The following RXFP2 variants were observed in gnomAD, a reference collection of about 807,000 sequenced individuals.
RXFP2 encodes relaxin family peptide receptor 2, also known as relaxin receptor 2.
Under a neutral mutation model 88.6 loss-of-function variants are expected in RXFP2, and 68 were observed. The observed-to-expected ratio is 0.77, with a 90% confidence interval of 0.63 to 0.94. The LOEUF (loss-of-function observed/expected upper bound fraction) is 0.94. RXFP2 is among the 40% of genes least tolerant of loss of function. The pLI is 0.00. For missense variants in RXFP2, 791 were observed against 893.9 expected, an observed-to-expected ratio of 0.88 and a Z score of 1.47; for synonymous variants, 329 against 306.8, an observed-to-expected ratio of 1.07 and a Z score of -0.76.
intron 1 of RXFP2, among the ~76,000 whole-genome samples, chr13:31,753,504 T>G (rs1361749396): frequency 6.6e-6 from 1 of 152,158 alleles, no homozygotes; most frequent in Non-Finnish European, 1.5e-5. Flanking sequence ...TCAGCACTGC[T>G]ACCATGCGGG....
chr13:31,786,661 TTG>T, intron 13 of RXFP2, 24 bp downstream of exon 13: 1 of 1,370,816 alleles, frequency 7.3e-7, no homozygotes. Flanking sequence ...TACAATTATA[TTG>T]ATTATAATTT....
intron 13 of RXFP2, among the ~76,000 whole-genome samples, chr13:31,787,798 C>A (rs1873615454): frequency 6.6e-6 from 1 of 152,200 alleles, no homozygotes; most frequent in African/African-American, 2.4e-5. Context: ...CGCCGCCATG[C>A]CAGGCTACTT....
chr13:31,798,663 G>C (rs901715095), intron 17 of RXFP2, among the ~76,000 whole-genome samples: 2 of 152,176 alleles, frequency 1.3e-5, no homozygotes, highest in Non-Finnish European at 2.9e-5. Context: ...CAAAGTCCAA[G>C]TGCTGGGATG....
chr13:31,778,361 T>G, intron 8 of RXFP2, 151 bp from the exon 9 acceptor site: 1 of 617,246 alleles, frequency 1.6e-6, no homozygotes, highest in South Asian at 2.0e-5. Flanking sequence ...GCCATACACA[T>G]GTTTTAAAGA....
At chr13:31,779,629 T>A (rs552174856) in intron 9 of RXFP2, among the ~76,000 whole-genome samples, 4 of 152,168 alleles carry the variant, frequency 2.6e-5, no homozygotes, top group Non-Finnish European at 5.9e-5. Context: ...ACCTTCACGG[T>A]CTTCTGCAAC....
chr13:31,744,600 T>C (rs2138381010), intron 1 of RXFP2, among the ~76,000 whole-genome samples: 1 of 152,338 alleles, frequency 6.6e-6, no homozygotes, highest in African/African-American at 2.4e-5. Flanking sequence ...GGCTATTTTA[T>C]TTGCCCAAGG....
chr13:31,777,451 AG>A lies in RXFP2; in HGVS notation c.713+5del. On this transcript the variant is annotated splice_donor_5th_base_variant and intron_variant, in intron 8 of 17. Coordinates refer to ENST00000298386, the MANE Select transcript of RXFP2 (RefSeq NM_130806.5). The stretch of plus-strand genomic sequence containing the variant: ...GATTAAATTCCTTGTTTTTCCTGTA[AG>A]TATTCATCAACCTTTCAATACATCT... The A allele has an allele frequency of 6.3e-7, 1 of 1,593,758 alleles. No individual in the cohort carries two copies. Among genetic ancestry groups the A allele is most frequent in the Non-Finnish European group, 8.6e-7 (1 of 1,162,698 alleles).
chr13:31,760,383 G>C (rs568174676), intron 2 of RXFP2, among the ~76,000 whole-genome samples: 1 of 152,112 alleles, frequency 6.6e-6, no homozygotes, highest in African/African-American at 2.4e-5. Flanking sequence ...GAGCCACTGC[G>C]CTTGGCCCTT....
intron 3 of RXFP2, among the ~76,000 whole-genome samples, chr13:31,762,462 GA>G (rs1412225049): frequency 1.3e-5 from 2 of 152,252 alleles, no homozygotes; most frequent in African/African-American, 4.8e-5. Flanking sequence ...GCATGAGGTG[GA>G]GGGGCAGGAG....
intron 5 of RXFP2, among the ~76,000 whole-genome samples, chr13:31,771,064 G>A (rs533550831): frequency 1.3e-5 from 2 of 152,316 alleles, no homozygotes; most frequent in African/African-American, 4.8e-5. Flanking sequence ...ATGATGGAGC[G>A]TATGCCGGAG....
intron 1 of RXFP2, among the ~76,000 whole-genome samples, chr13:31,745,025 C>A (rs936911761): frequency 3.3e-5 from 5 of 151,966 alleles, no homozygotes; most frequent in African/African-American, 1.2e-4. Flanking sequence ...AAAAAATTAG[C>A]CAGACGTGGT....
intron 7 of RXFP2, 103 bp from the exon 8 acceptor site, chr13:31,777,273 A>T: frequency 3.9e-6 from 3 of 772,394 alleles, no homozygotes; most frequent in Non-Finnish European, 6.8e-6. Context: ...AGGTGAGCCA[A>T]GTATGGAAGC....
chr13:31,796,690 T>G (rs1874066032), intron 16 of RXFP2, among the ~76,000 whole-genome samples: 1 of 152,250 alleles, frequency 6.6e-6, no homozygotes, highest in Admixed American at 6.5e-5. Context: ...TTGTTTTTAT[T>G]CCCTTGAACC....
At chr13:31,747,417 A>G (rs1871473617) in intron 1 of RXFP2, among the ~76,000 whole-genome samples, 1 of 152,216 alleles carries the variant, frequency 6.6e-6, no homozygotes, top group Non-Finnish European at 1.5e-5. Context: ...GAAAATGAGC[A>G]TAATGCTTCT....
At chr13:31,758,967 G>C (rs2138404669) in intron 2 of RXFP2, among the ~76,000 whole-genome samples, 1 of 151,834 alleles carries the variant, frequency 6.6e-6, no homozygotes, top group South Asian at 2.1e-4. Context: ...AGAATTGCCT[G>C]AACCCGGGAG....
intron 3 of RXFP2, among the ~76,000 whole-genome samples, chr13:31,763,155 C>T (rs772817066): frequency 6.0e-5 from 9 of 149,338 alleles, no homozygotes; most frequent in Non-Finnish European, 1.3e-4. Flanking sequence ...ACAATCACAG[C>T]TCACTGCAGC....
chr13:31,802,128 C>T lies in RXFP2; in HGVS notation c.2006-18C>T. The T allele has an allele frequency of 1.2e-6, 2 of 1,612,968 alleles. No homozygotes were observed. Among genetic ancestry groups the T allele is most frequent in the South Asian group, 2.2e-5 (2 of 90,830 alleles). The stretch of plus-strand genomic sequence containing the variant: ...TTAAAACTTCAACTTTTTTTTCACA[C>T]TTTGCTTCCTTTTCCAGACACAATG... On this transcript the variant is annotated intron_variant, in intron 17 of 17. Coordinates refer to ENST00000298386, the MANE Select transcript of RXFP2 (RefSeq NM_130806.5).
chr13:31,777,404 A>C lies in RXFP2; in HGVS notation c.670A>C (p.Ile224Leu). 1 of 1,612,182 alleles carries C rather than the reference A, an allele frequency of 6.2e-7. No individual in the cohort carries two copies. The highest frequency in any genetic ancestry group is 1.7e-5 in the Admixed American group (1 of 59,918). The change falls in exon 8 of 18, where the codon ATT (isoleucine) becomes CTT (leucine). Residue 224 changes from isoleucine to leucine, a missense_variant. By Grantham distance (5) the Ile-to-Leu change is conservative. Transcript: ENST00000298386. ...TCTAGATGACAATCCAATAACCAGA[A>C]TTTCACAGCGCTTGTTTACGGGATT... ...LILDDNPITR[I>L]SQRLFTGLNS...
intron 3 of RXFP2, among the ~76,000 whole-genome samples, chr13:31,763,145 A>G (rs1002393151): frequency 6.7e-6 from 1 of 148,458 alleles, no homozygotes; most frequent in Admixed American, 6.8e-5. Context: ...GTGCAGTGAT[A>G]CAATCACAGC....
Sources: gnomAD v4.1 joint callset for allele counts (sites outside exome capture counted in the v4.1 genomes callset) on GRCh38, gnomAD v4.1.1 for gene constraint, MANE v1.5 for transcripts, NCBI Gene and HGNC (gene_info 2026-07-23, HGNC 2026-07-21) for gene names.